Variants in NFIB observed in about 807,000 individuals in gnomAD.
The protein encoded by NFIB is nuclear factor I B.
Under a neutral mutation model 61.5 loss-of-function variants are expected in NFIB, and 11 were observed. The observed-to-expected ratio is 0.18, with a 90% confidence interval of 0.11 to 0.30. The LOEUF (loss-of-function observed/expected upper bound fraction) is 0.30, where lower values mean the gene tolerates loss of function less well. Among genes scored for constraint, NFIB ranks in the 10% least tolerant of loss-of-function variants. NFIB has a pLI of 1.00. For synonymous variants in NFIB, 260 were observed against 216.5 expected (o/e 1.20, Z -1.76); for missense variants, 471 against 608.9 (o/e 0.77, Z 2.38).
chr9:14,395,482 C>T (rs2061673816), intron 1 of NFIB, among the ~76,000 whole-genome samples: 2 of 152,016 alleles, frequency 1.3e-5, no homozygotes, highest in Admixed American at 1.3e-4. Context: ...GAATTCAAAG[C>T]AAACAGGCCT....
In NFIB at chr9:14,202,685, T is replaced by C. The variant is rs554989702; in HGVS notation, c.563-22905A>G. Among the ~76,000 whole-genome samples the C allele has an allele frequency of 2.0e-4, 30 of 152,312 alleles. 1 individual carries two copies. In the South Asian group the frequency reaches 5.8e-3, roughly 29 times the overall value. The stretch of plus-strand genomic sequence containing the variant: ...TCTTGTCTTTTAGAAAAACGACCCA[T>C]ATGTGTAGTATTTTATATGGTTTTC... On this transcript the variant is annotated intron_variant, in intron 2 of 10. Coordinates refer to ENST00000380953, the MANE Select transcript of NFIB (RefSeq NM_001190737.2).
chr9:14,235,855 G>C (rs540210639), intron 2 of NFIB, among the ~76,000 whole-genome samples: 1 of 152,246 alleles, frequency 6.6e-6, no homozygotes, highest in East Asian at 1.9e-4. Flanking sequence ...TTATCCCCAA[G>C]GCTTGAACTT....
the NFIB span, among the ~76,000 whole-genome samples, chr9:14,452,438 GAAGGA>G: frequency 0.02 from 475 of 23,938 alleles, 5 homozygotes; most frequent in Non-Finnish European, 0.028. Context: ...GGAGGGAGGG[GAAGGA>G]AAGGAAAGGA....
At chr9:14,505,212 T>C in the NFIB span, among the ~76,000 whole-genome samples, 5 of 152,204 alleles carry the variant, frequency 3.3e-5, no homozygotes, top group African/African-American at 1.2e-4. Flanking sequence ...TTTAGGGTTT[T>C]CTAGGTATAT....
the NFIB span, among the ~76,000 whole-genome samples, chr9:14,442,623 C>T: frequency 3.0e-4 from 45 of 152,148 alleles, no homozygotes; most frequent in African/African-American, 1.0e-3. Flanking sequence ...CTTTGGCGGT[C>T]CCTGGCTTGG....
At chr9:14,530,864 G>A in the NFIB span, among the ~76,000 whole-genome samples, 1 of 150,316 alleles carries the variant, frequency 6.7e-6, no homozygotes, top group African/African-American at 2.5e-5. Flanking sequence ...AAGCAAACGA[G>A]TAAAAGCAAT....
Position 14,348,709 on chromosome 9 carries a change from C to CCG in NFIB, c.109-41191_109-41190dup, listed in dbSNP as rs544498996. 2.4e-3 allele frequency among the ~76,000 whole-genome samples: 359 copies of CCG among 152,362 alleles called. 1 individual carries two copies. Among genetic ancestry groups the CCG allele is most frequent in the Non-Finnish European group, 3.9e-3 (266 of 68,036 alleles). On this transcript the variant is annotated intron_variant, in intron 1 of 8. Transcript: ENST00000380934. ...CACGCGAAGAGAGAGGGCGGAAGAG[C>CCG]CGGGAGCAGCGGACAGTCAGCTGCA...
intron 1 of NFIB, among the ~76,000 whole-genome samples, chr9:14,386,311 G>A (rs373696491): frequency 2.6e-5 from 4 of 152,294 alleles, no homozygotes; most frequent in East Asian, 1.9e-4. Flanking sequence ...CAACTTAGGA[G>A]CATATGCTTG....
chr9:14,184,476 T>C (rs563191681), intron 2 of NFIB, among the ~76,000 whole-genome samples: 74 of 142,408 alleles, frequency 5.2e-4, no homozygotes, highest in Middle Eastern at 3.6e-3. Flanking sequence ...ATTGACGTTT[T>C]AAAGAGAGGC....
At chr9:14,145,616 C>G (rs974873359) in intron 6 of NFIB, among the ~76,000 whole-genome samples, 1 of 151,512 alleles carries the variant, frequency 6.6e-6, no homozygotes, top group Non-Finnish European at 1.5e-5. Flanking sequence ...ACACCCAAGT[C>G]CTGGGCTGAA....
the NFIB span, among the ~76,000 whole-genome samples, chr9:14,454,305 A>C: frequency 6.6e-6 from 1 of 152,242 alleles, no homozygotes; most frequent in East Asian, 1.9e-4. Flanking sequence ...TGAGCCTCTG[A>C]GAAGATTATG....
At chr9:14,177,484 G>A (rs1259186331) in intron 3 of NFIB, among the ~76,000 whole-genome samples, 1 of 151,950 alleles carries the variant, frequency 6.6e-6, no homozygotes, top group Non-Finnish European at 1.5e-5. Context: ...GTCCAAAATA[G>A]AATTCCTTAA....
chr9:14,480,946 C>G, the NFIB span, among the ~76,000 whole-genome samples: 3 of 151,684 alleles, frequency 2.0e-5, no homozygotes, highest in Non-Finnish European at 4.4e-5. Context: ...AAATTAAGTT[C>G]TAAAAAATAA....
chr9:14,456,603 T>C, the NFIB span, among the ~76,000 whole-genome samples: 1 of 152,298 alleles, frequency 6.6e-6, no homozygotes, highest in South Asian at 2.1e-4. Context: ...GCCTCACTCA[T>C]AACATGCAGC....
chr9:14,345,898 C>A (rs2061011459), intron 1 of NFIB, among the ~76,000 whole-genome samples: 1 of 152,208 alleles, frequency 6.6e-6, no homozygotes, highest in African/African-American at 2.4e-5. Context: ...GGTTTTGCTT[C>A]TCCTCGGGTG....
At chr9:14,252,330 T>C (rs2055723521) in intron 2 of NFIB, among the ~76,000 whole-genome samples, 1 of 152,204 alleles carries the variant, frequency 6.6e-6, no homozygotes, top group Non-Finnish European at 1.5e-5. Flanking sequence ...CATTTATTTA[T>C]ATGAATTCAT....
intron 2 of NFIB, among the ~76,000 whole-genome samples, chr9:14,260,191 T>C (rs1453166662): frequency 6.6e-6 from 1 of 152,186 alleles, no homozygotes; most frequent in South Asian, 2.1e-4. Flanking sequence ...AGAATGGATC[T>C]AGTTTCTTTC....
At chr9:14,350,698 AAAATGT>A (rs2061098340) in intron 1 of NFIB, among the ~76,000 whole-genome samples, 1 of 152,186 alleles carries the variant, frequency 6.6e-6, no homozygotes, top group Non-Finnish European at 1.5e-5. Flanking sequence ...CTTTCTTTTT[AAAATGT>A]AAATGCAGAT....
intron 2 of NFIB, among the ~76,000 whole-genome samples, chr9:14,222,559 T>C (rs1344373533): frequency 6.6e-6 from 1 of 151,974 alleles, no homozygotes; most frequent in Non-Finnish European, 1.5e-5. Flanking sequence ...TCCCAGCACT[T>C]TGGGAGGCCA....
Sources: gnomAD v4.1 joint callset for allele counts (sites outside exome capture counted in the v4.1 genomes callset) on GRCh38, gnomAD v4.1.1 for gene constraint, MANE v1.5 for transcripts, NCBI Gene and HGNC (gene_info 2026-07-23, HGNC 2026-07-21) for gene names.